RAB11FIP4: variants seen among roughly 807,000 people sequenced by gnomAD.
RAB11FIP4 encodes RAB11 family interacting protein 4.
A neutral mutation model predicts 74.3 loss-of-function variants in RAB11FIP4; 23 were observed. The ratio of observed to expected loss-of-function variants is 0.31; its 90% confidence interval spans 0.22 to 0.44. The LOEUF (loss-of-function observed/expected upper bound fraction) is 0.44, where lower values mean the gene tolerates loss of function less well. Ranked by LOEUF, RAB11FIP4 falls within the 20% of genes least tolerant of loss-of-function variation. The probability of loss-of-function intolerance (pLI) is 1.00; values close to 1 mark genes in which losing one functional copy is unlikely to be tolerated. For missense variants in RAB11FIP4, 630 were observed against 863.9 expected, an observed-to-expected ratio of 0.73 and a Z score of 3.39; for synonymous variants, 360 against 359.9, an observed-to-expected ratio of 1.00 and a Z score of 0.00.
chr17:31,426,835 A>G (rs2071256764), intron 1 of RAB11FIP4, among the ~76,000 whole-genome samples: 1 of 151,862 alleles, frequency 6.6e-6, no homozygotes, highest in Non-Finnish European at 1.5e-5. Context: ...CTCTTGACCT[A>G]GTGATCTGCC....
chr17:31,477,996 C>CTTTT (rs35308777), intron 3 of RAB11FIP4, among the ~76,000 whole-genome samples: 2 of 132,606 alleles, frequency 1.5e-5, no homozygotes, highest in African/African-American at 2.8e-5. Context: ...GCTGTTAATA[C>CTTTT]TTTTTTTTTT....
chr17:31,397,133 C>T (rs1020164417), intron 1 of RAB11FIP4, among the ~76,000 whole-genome samples: 6 of 152,170 alleles, frequency 3.9e-5, no homozygotes, highest in Non-Finnish European at 8.8e-5. Context: ...CTCCTCTGCT[C>T]AGGAGTAGCA....
At chr17:31,470,478 C>T (rs2071726975) in intron 3 of RAB11FIP4, among the ~76,000 whole-genome samples, 1 of 152,172 alleles carries the variant, frequency 6.6e-6, no homozygotes, top group Admixed American at 6.5e-5. Context: ...AGGGAGAGCC[C>T]AAGTATTGGG....
rs568781732 is a variant in RAB11FIP4, at chr17:31,436,880, C to T, written c.336+2758C>T. Among the ~76,000 whole-genome samples the T allele has an allele frequency of 2.1e-3, 322 of 151,668 alleles. 1 individual carries two copies. Among genetic ancestry groups the T allele is most frequent in the African/African-American group, 7.2e-3 (298 of 41,318 alleles). ...TCGGTTCACTGCAAGCTCCGCCTCC[C>T]GGGTTCATGCCATTCTCCTGCCTCA... On this transcript the variant is annotated intron_variant, in intron 3 of 14. Transcript: ENST00000621161.
chr17:31,505,633 A>AATACATAACTATTATAATAT (rs2072329068), intron 3 of RAB11FIP4, among the ~76,000 whole-genome samples: 1 of 70,806 alleles, frequency 1.4e-5, no homozygotes, highest in African/African-American at 4.7e-5. Context: ...ATAATTATAT[A>AATACATAACTATTATAATAT]ATAATAATTA....
chr17:31,400,373 G>A (rs1300790515), intron 1 of RAB11FIP4, among the ~76,000 whole-genome samples: 3 of 152,228 alleles, frequency 2.0e-5, no homozygotes, highest in Admixed American at 6.5e-5. Flanking sequence ...GGGGCTTAGA[G>A]GCACAGTGAG....
At chr17:31,452,678 C>T (rs1359585438) in intron 3 of RAB11FIP4, among the ~76,000 whole-genome samples, 1 of 152,188 alleles carries the variant, frequency 6.6e-6, no homozygotes, top group Non-Finnish European at 1.5e-5. Context: ...TCATTGCCTC[C>T]TCTGCCCCTC....
chr17:31,506,527 T>C (rs1277486098), intron 3 of RAB11FIP4, among the ~76,000 whole-genome samples: 2 of 152,210 alleles, frequency 1.3e-5, no homozygotes, highest in Non-Finnish European at 2.9e-5. Context: ...TTGACCAACC[T>C]TTCCCCGTCC....
intron 3 of RAB11FIP4, among the ~76,000 whole-genome samples, chr17:31,434,445 C>T (rs1408889767): frequency 6.6e-6 from 1 of 152,178 alleles, no homozygotes; most frequent in Non-Finnish European, 1.5e-5. Flanking sequence ...TCTGCACCAT[C>T]GCTCTCTGAG....
At position 31,520,542 on chromosome 17, in the gene RAB11FIP4, C is replaced by T. The variant is rs553285109; in HGVS notation, c.564-624C>T. ...GTTTTTTTTGAGACGGAGTCTCCCTCTGTCGCCCAGGCTGGAGTGCAGTGG... is the reference window on the plus strand; with the variant it reads ...GTTTTTTTTGAGACGGAGTCTCCCTTTGTCGCCCAGGCTGGAGTGCAGTGG... On this transcript the variant is annotated intron_variant, in intron 4 of 14. Coordinates refer to ENST00000621161, the MANE Select transcript of RAB11FIP4 (RefSeq NM_032932.6). 7.9e-4 allele frequency among the ~76,000 whole-genome samples: 121 copies of T among 152,280 alleles called. 1 individual carries two copies. Among genetic ancestry groups the T allele is most frequent in the African/African-American group, 2.6e-3 (107 of 41,546 alleles).
intron 1 of RAB11FIP4, 42 bp downstream of exon 1, chr17:31,392,053 CCAG>C: frequency 8.3e-7 from 1 of 1,208,848 alleles, no homozygotes; most frequent in Non-Finnish European, 1.0e-6. Flanking sequence ...GGACCCCAGC[CCAG>C]CCCCGCCGCC....
At chr17:31,393,232 T>C (rs1159517290) in intron 1 of RAB11FIP4, among the ~76,000 whole-genome samples, 1 of 152,240 alleles carries the variant, frequency 6.6e-6, no homozygotes, top group African/African-American at 2.4e-5. Context: ...GAGCCCAGAC[T>C]GCCCTCTGCG....
chr17:31,447,581 A>G (rs178859), intron 3 of RAB11FIP4, among the ~76,000 whole-genome samples: 91,468 of 152,072 alleles, frequency 0.6, 28,638 homozygotes, highest in African/African-American at 0.77. Context: ...GGAGTGCAAT[A>G]GTACGATCTT....
At chr17:31,497,052 C>T (rs2072129750) in intron 3 of RAB11FIP4, among the ~76,000 whole-genome samples, 1 of 152,194 alleles carries the variant, frequency 6.6e-6, no homozygotes, top group Non-Finnish European at 1.5e-5. Context: ...GCGTGCTTTC[C>T]TTGTTCTCAA....
At chr17:31,451,225 G>A (rs1479372114) in intron 3 of RAB11FIP4, among the ~76,000 whole-genome samples, 2 of 152,110 alleles carry the variant, frequency 1.3e-5, no homozygotes, top group African/African-American at 4.8e-5. Context: ...TTTGGAGGCT[G>A]AGGCAGGTGG....
rs767136750 is a variant in RAB11FIP4 at position 31,530,355 on chromosome 17, C to T, written c.1683C>T (p.Asp561=). Residue 561 remains aspartate (D), a synonymous_variant, in exon 14 of 15, where the codon GAC becomes GAT. Coordinates refer to ENST00000621161, the MANE Select transcript of RAB11FIP4 (RefSeq NM_032932.6). ...ATTATAAGCTGCGGGATCAGAACGA[C>T]GACTTGAATGGGCAGATTTTGAGCC... is the stretch of plus-strand genomic sequence containing the variant. ...QENYKLRDQN[D]DLNGQILSLS... 2.0e-5 allele frequency: 33 copies of T among 1,614,024 alleles called. No individual in the cohort carries two copies. Among genetic ancestry groups the T allele is most frequent in the Admixed American group, 5.0e-5 (3 of 60,002 alleles).
intron 1 of RAB11FIP4, among the ~76,000 whole-genome samples, chr17:31,423,613 T>C (rs1219015452): frequency 3.3e-5 from 5 of 152,148 alleles, no homozygotes; most frequent in Admixed American, 2.6e-4. Context: ...TCAATGTCAG[T>C]TCAGTTTTCA....
In RAB11FIP4 at chr17:31,527,872, G is replaced by A; in HGVS notation, c.1305G>A (p.Glu435=). The part of the protein sequence containing the change: ...RVQQLEEENT[E]LRTTVTRLKS... ...AGCAGTTGGAGGAAGAAAATACAGA[G>A]CTTAGAACAACAGTGACTCGGCTCA... Residue 435 remains glutamate (E), a synonymous_variant, in exon 11 of 15, where the codon GAG becomes GAA. Coordinates refer to ENST00000621161, the MANE Select transcript of RAB11FIP4 (RefSeq NM_032932.6). 1 of 1,607,254 alleles carries A rather than the reference G, an allele frequency of 6.2e-7. No homozygotes were observed. Among genetic ancestry groups the A allele is most frequent in the Non-Finnish European group, 8.5e-7 (1 of 1,177,170 alleles).
Position 31,537,314 on chromosome 17 carries a change from C to A in RAB11FIP4, c.*5582C>A, listed in dbSNP as rs543376617. On this transcript the variant is annotated 3_prime_UTR_variant, in exon 15 of 15. Coordinates refer to ENST00000621161, the MANE Select transcript of RAB11FIP4 (RefSeq NM_032932.6). The stretch of plus-strand genomic sequence containing the variant: ...ATTCGTCCACAAGGATCAGGCCCCA[C>A]TTACCCTTGGCTCGCTCAGCCTGTA... 11 of 398,392 alleles carry A rather than the reference C, an allele frequency of 2.8e-5. No homozygotes were observed. The highest frequency in any genetic ancestry group is 4.4e-5 in the Non-Finnish European group (10 of 226,104). The allele number at this position is 398,392 out of a possible 1,614,324, so 24.7% of individuals were successfully genotyped here.
Sources: allele counts gnomAD v4.1 joint callset (sites outside exome capture counted in the v4.1 genomes callset), GRCh38; gene constraint gnomAD v4.1.1; transcripts MANE v1.5; gene names NCBI Gene and HGNC (gene_info 2026-07-23, HGNC 2026-07-21).